Variants in ZNF423 observed in about 807,000 individuals in gnomAD.
ZNF423 encodes the protein zinc finger protein 423, also known as Ebf-associated zinc finger protein.
ZNF423 carries 12 observed loss-of-function variants against 95.8 expected under a neutral mutation model. The ratio of observed to expected loss-of-function variants is 0.13; its 90% confidence interval spans 0.08 to 0.20. The LOEUF (loss-of-function observed/expected upper bound fraction) is 0.20. Among genes scored for constraint, ZNF423 ranks in the 10% least tolerant of loss-of-function variants. The probability of loss-of-function intolerance (pLI) is 1.00; values close to 1 mark genes in which losing one functional copy is unlikely to be tolerated. For missense variants in ZNF423, 1,316 were observed against 1,737.1 expected (o/e 0.76, Z 4.31); for synonymous variants, 749 against 711.9 (o/e 1.05, Z -0.83).
At chr16:49,751,071 C>G (rs2033625482) in intron 2 of ZNF423, among the ~76,000 whole-genome samples, 1 of 152,212 alleles carries the variant, frequency 6.6e-6, no homozygotes, top group South Asian at 2.1e-4. Context: ...GGGAGAGCCC[C>G]TCAAGCGGCC....
intron 1 of ZNF423, among the ~76,000 whole-genome samples, chr16:49,834,316 C>A (rs1193273642): frequency 9.1e-6 from 1 of 110,408 alleles, no homozygotes; most frequent in Non-Finnish European, 2.0e-5. Context: ...ACAAAGAGAC[C>A]CTAAACGTAG....
At chr16:49,815,745 C>G (rs1455133830) in intron 1 of ZNF423, among the ~76,000 whole-genome samples, 1 of 151,272 alleles carries the variant, frequency 6.6e-6, no homozygotes, top group Non-Finnish European at 1.5e-5. Flanking sequence ...TATAAGCAGG[C>G]AGCACCAGCC....
rs960756430 is a variant in ZNF423, at chr16:49,513,471, G to C, written c.3849+10153C>G. ...GGATCCAACAGCAGCAGTACAAAGA[G>C]ACAAGGAAACTGGCTCTTTGGTTAC... On this transcript the variant is annotated intron_variant, in intron 7 of 7. Coordinates refer to ENST00000563137, the MANE Select transcript of ZNF423 (RefSeq NM_001379286.1). Among the ~76,000 whole-genome samples the C allele has an allele frequency of 5.3e-5, 8 of 152,194 alleles. No individual in the cohort carries two copies. In the East Asian group the frequency reaches 1.5e-3, roughly 29 times the overall value.
At chr16:49,677,282 A>AAGGGAAGGGAAGGGAAGG in intron 3 of ZNF423, among the ~76,000 whole-genome samples, 13 of 81,572 alleles carry the variant, frequency 1.6e-4, no homozygotes, top group Non-Finnish European at 2.8e-4. Flanking sequence ...AGAAGAGAAG[A>AAGGGAAGGGAAGGGAAGG]GAAGAGAAGA....
chr16:49,800,134 C>T (rs1340702784), intron 1 of ZNF423, among the ~76,000 whole-genome samples: 1 of 151,956 alleles, frequency 6.6e-6, no homozygotes, highest in African/African-American at 2.4e-5. Context: ...ATCCCAGCTA[C>T]TTGAAAGGCT....
intron 5 of ZNF423, among the ~76,000 whole-genome samples, chr16:49,545,870 T>G (rs1969421572): frequency 6.6e-6 from 1 of 152,136 alleles, no homozygotes; most frequent in Non-Finnish European, 1.5e-5. Context: ...GCTCATAAAA[T>G]CTCTACGAGG....
At chr16:49,539,301 G>T (rs557348307) in intron 5 of ZNF423, among the ~76,000 whole-genome samples, 1 of 152,184 alleles carries the variant, frequency 6.6e-6, no homozygotes, top group Non-Finnish European at 1.5e-5. Flanking sequence ...CTCTGTGGGG[G>T]TGACGCGGTG....
chr16:49,858,717 G>GA (rs2035398167), upstream of ZNF423, among the ~76,000 whole-genome samples: 1 of 132,802 alleles, frequency 7.5e-6, no homozygotes, highest in East Asian at 2.2e-4. This position sits in a 1 kb window ranked among gnomAD's most constrained non-coding sequence, Gnocchi z 4.3. Context: ...GGGAATAGGA[G>GA]CCCCCCCCCC....
chr16:49,679,067 C>T (rs554755241), intron 3 of ZNF423, among the ~76,000 whole-genome samples: 24 of 152,314 alleles, frequency 1.6e-4, no homozygotes, highest in African/African-American at 5.8e-4. Flanking sequence ...CTCAGCTTCT[C>T]GAATAGCTCG....
At position 49,730,929 on chromosome 16, in the gene ZNF423, C is replaced by T. The variant is rs759959155; in HGVS notation, c.143G>A (p.Arg48His). 2.9e-5 allele frequency: 47 copies of T among 1,614,206 alleles called. No homozygotes were observed. Among genetic ancestry groups the T allele is most frequent in the Middle Eastern group, 1.6e-4 (1 of 6,062 alleles). The change falls in exon 3 of 8, where the codon CGT (arginine) becomes CAT (histidine). Residue 48 changes from arginine (R) to histidine (H), a missense_variant. Coordinates refer to ENST00000563137, the MANE Select transcript of ZNF423 (RefSeq NM_001379286.1). ...CACGCTGTTCCTGTCTTCCAGCGCA[C>T]GGCTGGTTTTCTGATCGCACTCTGG... ...GEPECDQKTS[R>H]ALEDRNSVTS...
intron 3 of ZNF423, among the ~76,000 whole-genome samples, chr16:49,656,690 A>G (rs2029891743): frequency 2.0e-5 from 3 of 152,176 alleles, no homozygotes; most frequent in Admixed American, 1.3e-4. Context: ...TATATCATAC[A>G]TTGCATATGT....
At chr16:49,559,794 T>C (rs1172138810) in intron 5 of ZNF423, among the ~76,000 whole-genome samples, 2 of 152,116 alleles carry the variant, frequency 1.3e-5, no homozygotes, top group African/African-American at 4.8e-5. Context: ...CAGGGTCCCA[T>C]ATTCACTAAC....
At chr16:49,599,343 A>C (rs548217341) in intron 5 of ZNF423, among the ~76,000 whole-genome samples, 1 of 152,264 alleles carries the variant, frequency 6.6e-6, no homozygotes, top group East Asian at 1.9e-4. Context: ...ATCTGCGCCC[A>C]AGTGAAGCTC....
chr16:49,640,035 C>T (rs8061974), intron 3 of ZNF423, among the ~76,000 whole-genome samples: 93 of 152,196 alleles, frequency 6.1e-4, no homozygotes, highest in African/African-American at 2.1e-3. Flanking sequence ...CAGGCTGCTG[C>T]GGGCAGGGGA....
At chr16:49,727,327 C>G (rs1431557296) in intron 3 of ZNF423, among the ~76,000 whole-genome samples, 2 of 152,138 alleles carry the variant, frequency 1.3e-5, no homozygotes, top group African/African-American at 4.8e-5. Flanking sequence ...AGGCCGGGCT[C>G]CAGGTTGGGG....
At chr16:49,834,989 G>A (rs142632360) in intron 1 of ZNF423, among the ~76,000 whole-genome samples, 1 of 152,252 alleles carries the variant, frequency 6.6e-6, no homozygotes, top group Non-Finnish European at 1.5e-5. Context: ...GTGCGCCTTG[G>A]GGGGCCAGGG....
intron 2 of ZNF423, among the ~76,000 whole-genome samples, chr16:49,771,180 T>TC (rs1491159390): frequency 7.0e-6 from 1 of 141,888 alleles, no homozygotes; most frequent in East Asian, 2.1e-4. Context: ...CTTGAATTTC[T>TC]TTTTTTTTTT....
At position 49,579,788 on chromosome 16, in the gene ZNF423, C is replaced by T. The variant is rs550076175; in HGVS notation, c.3601+46382G>A. On this transcript the variant is annotated intron_variant, in intron 5 of 7. Coordinates refer to ENST00000563137, the MANE Select transcript of ZNF423 (RefSeq NM_001379286.1). Reference sequence around the variant, plus strand: ...AAGACACCCCAGGTAGTCAGTCCTGCGAGATGACCTCTCCCATGGGAGGGC... The same window carrying T: ...AAGACACCCCAGGTAGTCAGTCCTGTGAGATGACCTCTCCCATGGGAGGGC... Among the ~76,000 whole-genome samples, 6 of 152,262 alleles carry T rather than the reference C, an allele frequency of 3.9e-5. No individual in the cohort carries two copies. The South Asian group carries it at 6.2e-4, about 16-fold the overall frequency.
chr16:49,580,698 G>T (rs540696552), intron 5 of ZNF423, among the ~76,000 whole-genome samples: 58 of 152,304 alleles, frequency 3.8e-4, no homozygotes, highest in African/African-American at 1.3e-3. Flanking sequence ...TATTTAAGAA[G>T]CCAGAGAAGC....
Sources: gnomAD v4.1 joint callset for allele counts (sites outside exome capture counted in the v4.1 genomes callset) on GRCh38, gnomAD v4.1.1 for gene constraint, Gnocchi (gnomAD v3.1) non-coding constraint, MANE v1.5 for transcripts, NCBI Gene and HGNC (gene_info 2026-07-23, HGNC 2026-07-21) for gene names.